The following DNAH9 variants were observed in gnomAD, a reference collection of about 807,000 sequenced individuals.
DNAH9 encodes dynein axonemal heavy chain 9.
Under a neutral mutation model 471.6 loss-of-function variants are expected in DNAH9, and 345 were observed. The observed-to-expected ratio is 0.73, with a 90% CI of 0.67 to 0.80. DNAH9 has a LOEUF of 0.80. DNAH9 is among the 30% of genes least tolerant of loss of function. The probability of loss-of-function intolerance (pLI) is 0.00; values close to 1 mark genes in which losing one functional copy is unlikely to be tolerated. For missense variants in DNAH9, 5,407 were observed against 5,609.2 expected, an observed-to-expected ratio of 0.96 and a Z score of 1.15; for synonymous variants, 2,093 against 2,123.6, an observed-to-expected ratio of 0.99 and a Z score of 0.40.
chr17:11,727,788 G>GTAATTTAAT (rs1240427087), intron 27 of DNAH9, 30 bp from the exon 28 acceptor site: 1 of 1,493,422 alleles, frequency 6.7e-7, no homozygotes, highest in Admixed American at 1.7e-5. Flanking sequence ...TGGCCCGTTG[G>GTAATTTAAT]TAATTTAATC....
chr17:11,661,262 T>G (rs183492298), intron 14 of DNAH9, among the ~76,000 whole-genome samples: 1 of 152,126 alleles, frequency 6.6e-6, no homozygotes, highest in Non-Finnish European at 1.5e-5. Context: ...TTATTCTTAC[T>G]TTTTGTATTT....
intron 49 of DNAH9, among the ~76,000 whole-genome samples, chr17:11,852,821 T>TAC (rs1971474033): frequency 9.2e-5 from 5 of 54,346 alleles, no homozygotes; most frequent in African/African-American, 4.3e-4. Context: ...TGTGTATATA[T>TAC]ATATATATAT....
intron 27 of DNAH9, among the ~76,000 whole-genome samples, chr17:11,722,451 A>G (rs934168945): frequency 3.0e-4 from 46 of 152,214 alleles, no homozygotes; most frequent in African/African-American, 1.1e-3. Context: ...ACCAGAGGGA[A>G]TGAGGAACCA....
At position 11,607,962 on chromosome 17, in the gene DNAH9, A is replaced by G. The variant is rs2072544874; in HGVS notation, c.418-167A>G. On this transcript the variant is annotated intron_variant, in intron 1 of 68. Coordinates refer to ENST00000262442, the MANE Select transcript of DNAH9 (RefSeq NM_001372.4). ...GGCTATTCAAGGGCTTCCCCAATTT[A>G]CCAGATGTCAAGGTCGTATGTAATG... 2.6e-5 allele frequency among the ~76,000 whole-genome samples: 4 copies of G among 152,204 alleles called. No individual in the cohort carries two copies. In the South Asian group the frequency reaches 8.3e-4, roughly 32 times the overall value.
chr17:11,666,978 A>G (rs2073882381), intron 15 of DNAH9, among the ~76,000 whole-genome samples: 2 of 152,134 alleles, frequency 1.3e-5, no homozygotes, highest in East Asian at 1.9e-4. Context: ...TTCCCACTCC[A>G]TAGAGAAATG....
intron 68 of DNAH9, among the ~76,000 whole-genome samples, chr17:11,967,943 T>C (rs995913157): frequency 2.0e-5 from 3 of 152,198 alleles, no homozygotes; most frequent in African/African-American, 2.4e-5. Flanking sequence ...TAAATATGTA[T>C]GCACCTAACA....
chr17:11,933,566 G>C (rs139976233), intron 64 of DNAH9, among the ~76,000 whole-genome samples: 2 of 151,880 alleles, frequency 1.3e-5, no homozygotes, highest in Non-Finnish European at 2.9e-5. Flanking sequence ...TTTTAGTAGC[G>C]ATGGGGTTTC....
At chr17:11,918,945 C>T (rs934569713) in intron 61 of DNAH9, among the ~76,000 whole-genome samples, 7 of 152,066 alleles carry the variant, frequency 4.6e-5, no homozygotes, top group Non-Finnish European at 1.0e-4. Flanking sequence ...GAGATCGTGC[C>T]ACTGCACTCC....
At chr17:11,739,359 A>T (rs1306866943) in intron 29 of DNAH9, among the ~76,000 whole-genome samples, 1 of 152,160 alleles carries the variant, frequency 6.6e-6, no homozygotes, top group Non-Finnish European at 1.5e-5. Flanking sequence ...GATAAATCTC[A>T]TTTCATGGCT....
At chr17:11,825,040 C>T (rs1970442076) in intron 48 of DNAH9, among the ~76,000 whole-genome samples, 1 of 152,002 alleles carries the variant, frequency 6.6e-6, no homozygotes, top group Admixed American at 6.6e-5. Context: ...CAACGTTTGC[C>T]AACAAATGGC....
chr17:11,843,896 T>C (rs868009395), intron 49 of DNAH9, among the ~76,000 whole-genome samples: 14 of 133,492 alleles, frequency 1.0e-4, no homozygotes, highest in South Asian at 2.4e-4. Context: ...TATATACACA[T>C]AGAGAGAGAG....
rs1328983569 is a variant in DNAH9 at position 11,854,099 on chromosome 17, G to A, written c.9604G>A (p.Val3202Met). 1.2e-6 allele frequency: 2 copies of A among 1,614,156 alleles called. No homozygotes were observed. Among genetic ancestry groups the A allele is most frequent in the Non-Finnish European group, 8.5e-7 (1 of 1,180,030 alleles). Residue 3202 changes from valine to methionine, a missense_variant, in exon 50 of 69, where the codon GTG becomes ATG. This residue lies in a region of DNAH9 where 4,636 missense variants were observed against 4,900.3 expected (regional missense o/e 0.95). Coordinates refer to ENST00000262442, the MANE Select transcript of DNAH9 (RefSeq NM_001372.4). ...VMVLMAPRGR[V>M]PKDRSWKAAK... is the part of the protein sequence containing the mutation. ...GGTACTGATGGCTCCCAGGGGTAGG[G>A]TGCCCAAGGACCGGAGCTGGAAGGC...
At chr17:11,701,006 T>C in intron 23 of DNAH9, 116 bp from the exon 24 acceptor site, 1 of 1,086,056 alleles carries the variant, frequency 9.2e-7, no homozygotes, top group Non-Finnish European at 1.4e-6. Flanking sequence ...CACTTGGGGC[T>C]GTATACAATG....
chr17:11,771,273 C>T (rs911120720), intron 38 of DNAH9, among the ~76,000 whole-genome samples: 12 of 152,068 alleles, frequency 7.9e-5, no homozygotes, highest in African/African-American at 2.9e-4. Flanking sequence ...GGATTACAGG[C>T]ACCTGCCAAG....
chr17:11,765,836 G>A (rs1026498366), intron 36 of DNAH9, among the ~76,000 whole-genome samples: 1 of 152,270 alleles, frequency 6.6e-6, no homozygotes, highest in Non-Finnish European at 1.5e-5. Flanking sequence ...ATTGCTCCCC[G>A]TCAAATGCAG....
chr17:11,940,014 A>G (rs1479791946), intron 66 of DNAH9, among the ~76,000 whole-genome samples: 1 of 152,266 alleles, frequency 6.6e-6, no homozygotes, highest in Non-Finnish European at 1.5e-5. Context: ...AAAAACCAAT[A>G]GTTGAACAGT....
At chr17:11,956,376 A>T (rs1299646849) in intron 67 of DNAH9, among the ~76,000 whole-genome samples, 1 of 152,164 alleles carries the variant, frequency 6.6e-6, no homozygotes, top group Non-Finnish European at 1.5e-5. Flanking sequence ...GAAGAAATAA[A>T]CAAATCCATA....
At position 11,669,453 on chromosome 17, in the gene DNAH9, T is replaced by G. The variant is rs1289297162; in HGVS notation, c.3012T>G (p.Cys1004Trp). Reference sequence around the variant, plus strand: ...TCCAGAGAATGATGGGCCTCTGCTGTGGCTATCAGAGCACCTTCAGCCAGT... The same window carrying G: ...TCCAGAGAATGATGGGCCTCTGCTGGGGCTATCAGAGCACCTTCAGCCAGT... Reference protein sequence around the residue: ...ERVQRMMGLCCGYQSTFSQYS... With the variant: ...ERVQRMMGLCWGYQSTFSQYS... Residue 1004 changes from cysteine (C) to tryptophan (W), a missense_variant, in exon 17 of 69, where the codon TGT becomes TGG. Around this residue, in one of 3 missense-constraint regions of DNAH9, gnomAD observed 4,636 missense variants for 4,900.3 expected, o/e 0.95. Transcript: ENST00000262442. The G allele has an allele frequency of 4.3e-6, 7 of 1,613,986 alleles. No homozygotes were observed. Among genetic ancestry groups the G allele is most frequent in the Non-Finnish European group, 5.9e-6 (7 of 1,179,992 alleles).
At position 11,969,607 on chromosome 17, in the gene DNAH9, C is replaced by A; in HGVS notation, c.*80C>A. 2 of 1,145,806 alleles carry A rather than the reference C, an allele frequency of 1.7e-6. No homozygotes were observed. Among genetic ancestry groups the A allele is most frequent in the Admixed American group, 2.6e-5 (1 of 37,752 alleles). 71.0% of individuals were successfully genotyped at this position (1,145,806 alleles called of 1,614,324 possible). On this transcript the variant is annotated 3_prime_UTR_variant, in exon 69 of 69. Transcript: ENST00000262442. ...GGGACAGGTGGGTGAAGGGTCACCA[C>A]AGACACTTAGAACGGTAAGAAACCA...
Sources: allele counts gnomAD v4.1 joint callset (sites outside exome capture counted in the v4.1 genomes callset), GRCh38; gene constraint gnomAD v4.1.1; regional missense constraint gnomAD v4.1.1; transcripts MANE v1.5; gene names NCBI Gene and HGNC (gene_info 2026-07-23, HGNC 2026-07-21).